Variants in HDAC9 observed in about 807,000 individuals in gnomAD.
HDAC9 encodes histone deacetylase 9, also known as MEF-2 interacting transcription repressor (MITR) protein.
HDAC9 carries 41 observed loss-of-function variants against 139.4 expected under a neutral mutation model. That is an observed-to-expected ratio of 0.29 (90% CI 0.23 to 0.38). HDAC9 has a LOEUF of 0.38. Among genes scored for constraint, HDAC9 ranks in the 10% least tolerant of loss-of-function variants. HDAC9 has a pLI of 1.00. For synonymous variants in HDAC9, 517 were observed against 476.2 expected, an observed-to-expected ratio of 1.09 and a Z score of -1.12; for missense variants, 1,147 against 1,297.0, an observed-to-expected ratio of 0.88 and a Z score of 1.78.
chr7:18,337,505 G>T (rs563992892), intron 1 of HDAC9, among the ~76,000 whole-genome samples: 1 of 151,648 alleles, frequency 6.6e-6, no homozygotes, highest in Admixed American at 6.6e-5. Context: ...TTGTAGACAT[G>T]TAATGAATGT....
chr7:18,230,022 C>T (rs1172128640), intron 2 of HDAC9, among the ~76,000 whole-genome samples: 2 of 152,072 alleles, frequency 1.3e-5, no homozygotes, highest in Non-Finnish European at 2.9e-5. Context: ...CCAAATAATT[C>T]TATTATTGCT....
chr7:18,740,431 A>G (rs1787344167), intron 13 of HDAC9, among the ~76,000 whole-genome samples: 1 of 151,910 alleles, frequency 6.6e-6, no homozygotes, highest in Admixed American at 6.6e-5. Context: ...TTTTTATAGT[A>G]CTCTTGTAAT....
chr7:18,488,999 A>G (rs955487399), intron 1 of HDAC9, among the ~76,000 whole-genome samples: 12 of 152,026 alleles, frequency 7.9e-5, no homozygotes, highest in Non-Finnish European at 1.6e-4. Flanking sequence ...TATTTTTGTT[A>G]TTAAATTAAT....
At chr7:18,097,431 C>T (rs929389900) in intron 1 of HDAC9, among the ~76,000 whole-genome samples, 3 of 150,090 alleles carry the variant, frequency 2.0e-5, no homozygotes, top group Non-Finnish European at 3.0e-5. Flanking sequence ...GGCCTGACAC[C>T]GCTTTACCAA....
intron 1 of HDAC9, among the ~76,000 whole-genome samples, chr7:18,301,086 C>G (rs1233457243): frequency 6.6e-6 from 1 of 151,378 alleles, no homozygotes; most frequent in Non-Finnish European, 1.5e-5. Context: ...TTTTTTTTTC[C>G]CGCAATGCAA....
intron 21 of HDAC9, among the ~76,000 whole-genome samples, chr7:18,860,484 T>A (rs879493371): frequency 6.6e-6 from 1 of 152,244 alleles, no homozygotes; most frequent in Non-Finnish European, 1.5e-5. Flanking sequence ...GCCTAAACCA[T>A]GAGGATTATG....
intron 23 of HDAC9, among the ~76,000 whole-genome samples, chr7:18,950,133 T>G (rs573633525): frequency 6.6e-4 from 100 of 152,246 alleles, no homozygotes; most frequent in African/African-American, 2.2e-3. Flanking sequence ...TTCAATGCCT[T>G]TCAAAATTTC....
intron 6 of HDAC9, among the ~76,000 whole-genome samples, chr7:18,614,634 A>G (rs1838094011): frequency 1.3e-5 from 2 of 152,176 alleles, no homozygotes; most frequent in African/African-American, 2.4e-5. Flanking sequence ...GTGAATCCCA[A>G]TTAAAGTCAA....
chr7:18,859,444 T>G (rs998062507), intron 21 of HDAC9, among the ~76,000 whole-genome samples: 9 of 150,490 alleles, frequency 6.0e-5, no homozygotes, highest in Non-Finnish European at 7.4e-5. Flanking sequence ...CCCCAAGTTC[T>G]TTCTTTCTTC....
chr7:18,260,819 G>C (rs1300986962), intron 2 of HDAC9, among the ~76,000 whole-genome samples: 2 of 152,150 alleles, frequency 1.3e-5, no homozygotes, highest in Admixed American at 1.3e-4. Context: ...AGAATAGGCT[G>C]ATTTGAGACA....
chr7:18,597,287 ATTG>A (rs1832767051), intron 6 of HDAC9, among the ~76,000 whole-genome samples: 1 of 152,142 alleles, frequency 6.6e-6, no homozygotes, highest in Non-Finnish European at 1.5e-5. Context: ...GAAAATAACA[ATTG>A]TTTTTAATTT....
chr7:18,780,256 G>T (rs958802180), intron 16 of HDAC9, among the ~76,000 whole-genome samples: 4 of 151,938 alleles, frequency 2.6e-5, no homozygotes, highest in African/African-American at 9.7e-5. Context: ...GTCTTCTCTG[G>T]GGATCAAATA....
chr7:18,744,861 AT>A (rs1289884869), intron 13 of HDAC9, among the ~76,000 whole-genome samples: 1 of 152,066 alleles, frequency 6.6e-6, no homozygotes, highest in African/African-American at 2.4e-5. Flanking sequence ...ATGTAAAAAA[AT>A]ATATATATAA....
chr7:18,883,816 T>C (rs1799918743), intron 22 of HDAC9, among the ~76,000 whole-genome samples: 1 of 151,978 alleles, frequency 6.6e-6, no homozygotes, highest in South Asian at 2.1e-4. Context: ...AAAAACCTGA[T>C]AAAACCAATA....
chr7:18,627,911 C>T (rs899425114), intron 6 of HDAC9, among the ~76,000 whole-genome samples: 2 of 151,886 alleles, frequency 1.3e-5, no homozygotes, highest in Non-Finnish European at 2.9e-5. Context: ...GTTCCTATTT[C>T]ACCAAGCCAA....
intron 16 of HDAC9, among the ~76,000 whole-genome samples, chr7:18,773,958 T>C (rs976575905): frequency 6.6e-6 from 1 of 151,926 alleles, no homozygotes; most frequent in Admixed American, 6.6e-5. Context: ...TAGTAAAGCA[T>C]AACTTCTAAA....
chr7:18,944,264 A>G (rs568876813), intron 23 of HDAC9, among the ~76,000 whole-genome samples: 1 of 152,176 alleles, frequency 6.6e-6, no homozygotes, highest in South Asian at 2.1e-4. Context: ...TATTCTTCCA[A>G]CGTTCCACAA....
chr7:18,684,513 G>C (rs1432789343), intron 12 of HDAC9, among the ~76,000 whole-genome samples: 1 of 151,744 alleles, frequency 6.6e-6, no homozygotes, highest in East Asian at 1.9e-4. Context: ...ATACTGAAAA[G>C]GCTTTAATAC....
chr7:18,707,854 A>AGTGTGTGTGTGTGTGT (rs61496259), intron 12 of HDAC9, among the ~76,000 whole-genome samples: 45 of 149,656 alleles, frequency 3.0e-4, no homozygotes, highest in South Asian at 6.4e-4. Context: ...AGGGGAAAGG[A>AGTGTGTGTGTGTGTGT]GTGTGTGTGT....
Sources: gnomAD v4.1 joint callset for allele counts (sites outside exome capture counted in the v4.1 genomes callset) on GRCh38, gnomAD v4.1.1 for gene constraint, MANE v1.5 for transcripts, NCBI Gene and HGNC (gene_info 2026-07-23, HGNC 2026-07-21) for gene names.